The following ZKSCAN3 variants were observed in gnomAD, a reference collection of about 807,000 sequenced individuals.
The protein encoded by ZKSCAN3 is zinc finger with KRAB and SCAN domains 3.
Under a neutral mutation model 30.7 loss-of-function variants are expected in ZKSCAN3, and 21 were observed. The ratio of observed to expected loss-of-function variants is 0.68; its 90% CI spans 0.49 to 0.99. The LOEUF (loss-of-function observed/expected upper bound fraction) is 0.99. ZKSCAN3 is among the 50% of genes least tolerant of loss of function. The pLI, the probability that ZKSCAN3 is intolerant of heterozygous loss-of-function variation, is 0.00. For synonymous variants in ZKSCAN3, 201 were observed against 246.7 expected, an observed-to-expected ratio of 0.81 and a Z score of 1.73; for missense variants, 507 against 647.1, an observed-to-expected ratio of 0.78 and a Z score of 2.35.
intron 3 of ZKSCAN3, among the ~76,000 whole-genome samples, chr6:28,362,468 A>G (rs1277306053): frequency 6.6e-6 from 1 of 152,230 alleles, no homozygotes; most frequent in Non-Finnish European, 1.5e-5. Context: ...TCTTAAACAC[A>G]TGTACAAGTT....
chr6:28,353,900 G>C (rs1170827981), intron 1 of ZKSCAN3: 1 of 456,160 alleles, frequency 2.2e-6, no homozygotes, highest in South Asian at 1.5e-5. Context: ...CCCATACTGA[G>C]GTCCGAGGGG....
At chr6:28,361,192 C>T in intron 2 of ZKSCAN3, 132 bp from the exon 3 acceptor site, 2 of 980,424 alleles carry the variant, frequency 2.0e-6, no homozygotes, top group Non-Finnish European at 3.0e-6. Context: ...ATAATACCTC[C>T]CTTATAAGAT....
rs928226507 is a variant in ZKSCAN3, at chr6:28,351,541, T to C, written c.-63+1474T>C. On this transcript the variant is annotated intron_variant, in intron 1 of 5. Coordinates refer to ENST00000252211, the MANE Select transcript of ZKSCAN3 (RefSeq NM_024493.4). The surrounding 1 kb of genome is among the most constrained non-coding windows in gnomAD (Gnocchi z 4.6). ...GAGAATGTTACAATGAACACCAATA[T>C]AACCATGACTCAGCTTCAGCCATCA... Among the ~76,000 whole-genome samples the C allele has an allele frequency of 6.6e-6, 1 of 152,200 alleles. No homozygotes were observed. The highest frequency in any genetic ancestry group is 2.4e-5 in the African/African-American group (1 of 41,452).
Position 28,367,244 on chromosome 6 carries a change from G to A in ZKSCAN3, c.*959G>A, listed in dbSNP as rs1766002968. ...AATCCATATTTCTTTACCAGACTAG[G>A]AATTCTATTCTAGTGCAAATGCCTT... On this transcript the variant is annotated 3_prime_UTR_variant, in exon 6 of 6. Coordinates refer to ENST00000252211, the MANE Select transcript of ZKSCAN3 (RefSeq NM_024493.4). The A allele has an allele frequency of 6.6e-6, 1 of 151,558 alleles. No individual in the cohort carries two copies. Among genetic ancestry groups the A allele is most frequent in the African/African-American group, 2.4e-5 (1 of 41,234 alleles). The allele number at this position is 151,558 out of a possible 1,614,324, so 9.4% of individuals were successfully genotyped here.
rs1457066539 is a variant in ZKSCAN3 at position 28,363,327 on chromosome 6, A to G, written c.575A>G (p.His192Arg). ...DRVLQVPVLA[H>R]GGCCREDKVV... ...GTTCTCCAGGTCCCCGTGCTTGCCC[A>G]TGGAGGATGCTGCAGAGAAGATAAA... The change falls in exon 4 of 6, where the codon CAT (histidine) becomes CGT (arginine). Residue 192 changes from histidine to arginine, a missense_variant. By Grantham distance (29) the His-to-Arg change is conservative. Coordinates refer to ENST00000252211, the MANE Select transcript of ZKSCAN3 (RefSeq NM_024493.4). The G allele has an allele frequency of 4.3e-6, 7 of 1,613,956 alleles. No homozygotes were observed. Among genetic ancestry groups the G allele is most frequent in the South Asian group, 1.1e-5 (1 of 91,080 alleles).
chr6:28,359,131 T>A (rs1765621816), intron 1 of ZKSCAN3, among the ~76,000 whole-genome samples: 1 of 152,034 alleles, frequency 6.6e-6, no homozygotes, highest in Admixed American at 6.5e-5. Flanking sequence ...GGACTTGCTA[T>A]CTCATATTGA....
At chr6:28,356,905 C>G (rs1435161200) in intron 1 of ZKSCAN3, among the ~76,000 whole-genome samples, 1 of 152,230 alleles carries the variant, frequency 6.6e-6, no homozygotes, top group Admixed American at 6.5e-5. Context: ...AAGACCCACT[C>G]ACCTCATCTT....
chr6:28,363,631 A>G, intron 4 of ZKSCAN3, 61 bp from the exon 5 acceptor site: 2 of 1,607,058 alleles, frequency 1.2e-6, no homozygotes, highest in Non-Finnish European at 1.7e-6. Flanking sequence ...TGCTTCCCAG[A>G]TCTTCCCCAC....
chr6:28,353,068 A>G (rs2113894329), intron 1 of ZKSCAN3, among the ~76,000 whole-genome samples: 1 of 151,168 alleles, frequency 6.6e-6, no homozygotes, highest in Non-Finnish European at 1.5e-5. Flanking sequence ...TTCCGGGTTC[A>G]AGCGATTCTC....
At chr6:28,363,607 A>G (rs1287836611) in intron 4 of ZKSCAN3, 85 bp from the exon 5 acceptor site, 2 of 1,590,752 alleles carry the variant, frequency 1.3e-6, no homozygotes, top group African/African-American at 1.3e-5. Context: ...GTTGGCAGGA[A>G]TGGGGCCTGG....
At chr6:28,363,558 G>A (rs1765846792) in intron 4 of ZKSCAN3, 134 bp from the exon 5 acceptor site, 2 of 1,417,726 alleles carry the variant, frequency 1.4e-6, no homozygotes, top group Admixed American at 4.2e-5. Context: ...ACTTTATTTA[G>A]GTGCCCACTT....
In ZKSCAN3 at chr6:28,359,765, C is replaced by T. The variant is rs1765657497; in HGVS notation, c.179C>T (p.Pro60Leu). 6.2e-7 allele frequency: 1 copy of T among 1,614,176 alleles called. No individual in the cohort carries two copies. Among genetic ancestry groups the T allele is most frequent in the Non-Finnish European group, 8.5e-7 (1 of 1,180,034 alleles). Residue 60 changes from proline (P) to leucine (L), a missense_variant, in exon 2 of 6, where the codon CCC becomes CTC. Coordinates refer to ENST00000252211, the MANE Select transcript of ZKSCAN3 (RefSeq NM_024493.4). ...TTCCGCTACCCGGAGGCTGCAGGCC[C>T]CCGCGAGGCGCTGAGTCGGCTCCGA... is the stretch of plus-strand genomic sequence containing the variant. ...RGFRYPEAAG[P>L]REALSRLREL...
chr6:28,368,784 T>C lies in ZKSCAN3; in HGVS notation c.*2499T>C, dbSNP rs992404882. 2 of 155,098 alleles carry C rather than the reference T, an allele frequency of 1.3e-5. No individual in the cohort carries two copies. Among genetic ancestry groups the C allele is most frequent in the African/African-American group, 4.8e-5 (2 of 41,516 alleles). The allele number at this position is 155,098 out of a possible 1,614,324, so 9.6% of individuals were successfully genotyped here. On this transcript the variant is annotated 3_prime_UTR_variant, in exon 6 of 6. Transcript: ENST00000252211. ...CAACTGTGGAAAGACAGTTCCTTTT[T>C]TGTTAGTATCACTTCTACTTATTGT...
chr6:28,367,222 C>T lies in ZKSCAN3; in HGVS notation c.*937C>T, dbSNP rs1766001524. Reference sequence around the variant, plus strand: ...TGAGCCACCATGCCCGGCCAAGAATCCATATTTCTTTACCAGACTAGGAAT... The same window carrying T: ...TGAGCCACCATGCCCGGCCAAGAATTCATATTTCTTTACCAGACTAGGAAT... On this transcript the variant is annotated 3_prime_UTR_variant, in exon 6 of 6. Coordinates refer to ENST00000252211, the MANE Select transcript of ZKSCAN3 (RefSeq NM_024493.4). The T allele has an allele frequency of 6.6e-6, 1 of 151,994 alleles. No homozygotes were observed. The highest frequency in any genetic ancestry group is 2.4e-5 in the African/African-American group (1 of 41,362). 9.4% of individuals were successfully genotyped at this position (151,994 alleles called of 1,614,324 possible). A position where few individuals can be genotyped will look rare whatever the true frequency, so the allele number is the denominator to read the frequency against.
chr6:28,351,790 A>G lies in ZKSCAN3; in HGVS notation c.-63+1723A>G, dbSNP rs1765039637. On this transcript the variant is annotated intron_variant, in intron 1 of 5. Coordinates refer to ENST00000252211, the MANE Select transcript of ZKSCAN3 (RefSeq NM_024493.4). This position sits in a 1 kb window ranked among gnomAD's most constrained non-coding sequence, Gnocchi z 4.6. ...TCATTTCGTCCCTCTCTTCTCTTTC[A>G]TTTTATAGCAAATTGCAGATGGAAA... 7.3e-6 allele frequency among the ~76,000 whole-genome samples: 1 copy of G among 137,566 alleles called. No homozygotes were observed. The highest frequency in any genetic ancestry group is 2.7e-5 in the African/African-American group (1 of 36,376). The allele number at this position is 137,566 out of a possible 152,430, so 90.2% of individuals were successfully genotyped here.
chr6:28,358,714 G>A (rs1489291869), intron 1 of ZKSCAN3, among the ~76,000 whole-genome samples: 2 of 151,486 alleles, frequency 1.3e-5, no homozygotes, highest in Admixed American at 1.3e-4. Context: ...TGAAACCCCA[G>A]CTCTACTAAA....
Position 28,367,224 on chromosome 6 carries a change from A to G in ZKSCAN3, c.*939A>G, listed in dbSNP as rs999410466. The stretch of plus-strand genomic sequence containing the variant: ...AGCCACCATGCCCGGCCAAGAATCC[A>G]TATTTCTTTACCAGACTAGGAATTC... On this transcript the variant is annotated 3_prime_UTR_variant, in exon 6 of 6. Coordinates refer to ENST00000252211, the MANE Select transcript of ZKSCAN3 (RefSeq NM_024493.4). 1.3e-5 allele frequency: 2 copies of G among 152,052 alleles called. No homozygotes were observed. Among genetic ancestry groups the G allele is most frequent in the Admixed American group, 6.5e-5 (1 of 15,274 alleles). 9.4% of individuals were successfully genotyped at this position (152,052 alleles called of 1,614,324 possible).
chr6:28,363,964 C>T (rs1308546061), intron 5 of ZKSCAN3, 149 bp downstream of exon 5: 3 of 1,044,060 alleles, frequency 2.9e-6, no homozygotes, highest in South Asian at 1.6e-5. Context: ...AGCTCCTTAC[C>T]CTTTCTTTTT....
chr6:28,358,650 G>A (rs1417046178), intron 1 of ZKSCAN3, among the ~76,000 whole-genome samples: 1 of 152,018 alleles, frequency 6.6e-6, no homozygotes, highest in East Asian at 1.9e-4. Flanking sequence ...CACTTTGGGA[G>A]GCCGAGGCAG....
Sources: allele counts gnomAD v4.1 joint callset (sites outside exome capture counted in the v4.1 genomes callset), GRCh38; gene constraint gnomAD v4.1.1; non-coding constraint Gnocchi (gnomAD v3.1); transcripts MANE v1.5; gene names NCBI Gene and HGNC (gene_info 2026-07-23, HGNC 2026-07-21).